The following CDAN1 variants were observed in gnomAD, a reference collection of about 807,000 sequenced individuals.
CDAN1 encodes codanin 1, also known as codanin-1.
Under a neutral mutation model 139.8 loss-of-function variants are expected in CDAN1, and 107 were observed. The ratio of observed to expected loss-of-function variants is 0.77; its 90% CI spans 0.65 to 0.90. The LOEUF is 0.90. CDAN1 is among the 40% of genes least tolerant of loss of function. CDAN1 has a pLI of 0.00. For missense variants in CDAN1, 1,667 were observed against 1,575.7 expected (o/e 1.06, Z -0.98); for synonymous variants, 776 against 660.6 (o/e 1.17, Z -2.68).
chr15:42,734,639 TGTCACCCAGGCTGGGCTGGGC>T (rs931955214), intron 6 of CDAN1, among the ~76,000 whole-genome samples: 3 of 152,114 alleles, frequency 2.0e-5, no homozygotes, highest in Admixed American at 6.5e-5. Context: ...TGGGGGTCTC[TGTCACCCAGGCTGGGCTGGGC>T]GTCACCCAGG....
At position 42,727,615 on chromosome 15, in the gene CDAN1, G is replaced by T. The variant is rs539649120; in HGVS notation, c.3096+6C>A. The T allele has an allele frequency of 6.4e-7, 1 of 1,559,076 alleles. No homozygotes were observed. The highest frequency in any genetic ancestry group is 1.9e-5 in the Admixed American group (1 of 51,820). On this transcript the variant is annotated splice_donor_region_variant and intron_variant, in intron 23 of 27. Coordinates refer to ENST00000356231, the MANE Select transcript of CDAN1 (RefSeq NM_138477.4). ...GGAAGCCAAAGGGAGTAGGGTAGCCGTGTACTTTTATCTCGGAGATGAGGT... is the reference window on the plus strand; with the variant it reads ...GGAAGCCAAAGGGAGTAGGGTAGCCTTGTACTTTTATCTCGGAGATGAGGT...
rs768254953 is a variant in CDAN1, at chr15:42,728,743, C to T, written c.2713G>A (p.Gly905Arg). ...SLLQEQLVTQ[G>R]EEGGDPAQLL... is the part of the protein sequence containing the mutation. Reference sequence around the variant, plus strand: ...TGGGCTGGGTCTCCCCCTTCCTCTCCCTGTGTCACCAGCTGCTCTTGGAGA... The same window carrying T: ...TGGGCTGGGTCTCCCCCTTCCTCTCTCTGTGTCACCAGCTGCTCTTGGAGA... Residue 905 changes from glycine to arginine, a missense_variant, in exon 20 of 28, where the codon GGA (glycine) becomes AGA (arginine). By Grantham distance (125) the Gly-to-Arg change is moderately radical (BLOSUM62 -2). Around this residue, in one of 3 missense-constraint regions of CDAN1, gnomAD observed 936 missense variants for 844.1 expected, o/e 1.11. Transcript: ENST00000356231. 6.2e-7 allele frequency: 1 copy of T among 1,614,190 alleles called. No homozygotes were observed.
At position 42,730,868 on chromosome 15, in the gene CDAN1, T is replaced by C. The variant is rs1440396277; in HGVS notation, c.2007+57A>G. 7 of 1,613,444 alleles carry C rather than the reference T, an allele frequency of 4.3e-6. No homozygotes were observed. The Admixed American group carries it at 1.2e-4, about 27-fold the overall frequency. ...GAATAGCCAAGGAAACCAGTCAGCT[T>C]CAGTGCCTGGCCGGTCCTCCCTGCT... On this transcript the variant is annotated intron_variant, in intron 13 of 27. Transcript: ENST00000356231.
intron 3 of CDAN1, 63 bp downstream of exon 3, chr15:42,735,812 G>GA (rs1271252619): frequency 6.2e-7 from 1 of 1,600,650 alleles, no homozygotes; most frequent in Non-Finnish European, 8.6e-7. Context: ...CAATTTCAGG[G>GA]AAAACCCCTG....
At chr15:42,735,232 A>G (rs1420282649) in intron 5 of CDAN1, 29 bp downstream of exon 5, 6 of 1,600,664 alleles carry the variant, frequency 3.7e-6, no homozygotes, top group African/African-American at 2.7e-5. Flanking sequence ...TCTAGACCCC[A>G]TGTCTCAAAA....
intron 8 of CDAN1, 89 bp from the exon 9 acceptor site, chr15:42,733,275 CA>C: frequency 2.7e-5 from 30 of 1,095,842 alleles, no homozygotes; most frequent in Admixed American, 1.4e-4. Context: ...GCCCACCCAC[CA>C]CCTTTTTTTT....
At chr15:42,736,869 T>A (rs983667554) in intron 1 of CDAN1, 89 bp from the exon 2 acceptor site, 1 of 1,446,264 alleles carries the variant, frequency 6.9e-7, no homozygotes, top group African/African-American at 1.5e-5. Context: ...GCGCCTCGGG[T>A]GGGCGGCCCG....
chr15:42,731,142 G>A lies in CDAN1; in HGVS notation c.1860+69C>T, dbSNP rs1308167573. The A allele has an allele frequency of 6.2e-6, 10 of 1,614,084 alleles. No homozygotes were observed. The Admixed American group carries it at 1.5e-4, about 24-fold the overall frequency. On this transcript the variant is annotated intron_variant, in intron 12 of 27. Coordinates refer to ENST00000356231, the MANE Select transcript of CDAN1 (RefSeq NM_138477.4). ...AGAACAATTCCCGATCTGTTATAAA[G>A]TTTTTCTTGAACATACTCCCTTCCC...
At chr15:42,728,379 G>C in intron 20 of CDAN1, 112 bp from the exon 21 acceptor site, 1 of 1,265,182 alleles carries the variant, frequency 7.9e-7, no homozygotes, top group Non-Finnish European at 1.1e-6. Flanking sequence ...CTTGGAAGGA[G>C]GCACCGTTTG....
Position 42,726,307 on chromosome 15 carries a change from C to T in CDAN1, c.3204+3G>A. 2 of 1,586,480 alleles carry T rather than the reference C, an allele frequency of 1.3e-6. No individual in the cohort carries two copies. The highest frequency in any genetic ancestry group is 1.7e-6 in the Non-Finnish European group (2 of 1,166,268). ...CCCCCCGGTGGCAGATGCCACAGCT[C>T]ACCTGGCGGCACCGCAGCGTCTGGC... is the stretch of plus-strand genomic sequence containing the variant. On this transcript the variant is annotated splice_donor_region_variant and intron_variant, in intron 24 of 27. Coordinates refer to ENST00000356231, the MANE Select transcript of CDAN1 (RefSeq NM_138477.4).
chr15:42,729,495 G>A, intron 17 of CDAN1, 73 bp downstream of exon 17: 1 of 1,605,152 alleles, frequency 6.2e-7, no homozygotes, highest in Non-Finnish European at 8.5e-7. Context: ...CAAGGGAGCT[G>A]GGCCAAGGGG....
At chr15:42,726,216 G>A in intron 24 of CDAN1, 56 bp from the exon 25 acceptor site, 1 of 1,604,984 alleles carries the variant, frequency 6.2e-7, no homozygotes. Flanking sequence ...GCTTACTGCT[G>A]CGAGAACTGG....
chr15:42,735,017 A>T, intron 6 of CDAN1, 83 bp downstream of exon 6: 1 of 924,626 alleles, frequency 1.1e-6, no homozygotes, highest in South Asian at 1.4e-5. Context: ...CCCTGTGTTA[A>T]GCACCAGCAT....
At chr15:42,732,558 G>C (rs1595859773) in intron 9 of CDAN1, 150 bp from the exon 10 acceptor site, 1 of 721,470 alleles carries the variant, frequency 1.4e-6, no homozygotes, top group East Asian at 2.7e-5. Flanking sequence ...GACACTGAAG[G>C]CAAGGGACAC....
In CDAN1 at chr15:42,729,064, G is replaced by A. The variant is rs767340780; in HGVS notation, c.2604C>T (p.Phe868=). The change falls in exon 19 of 28, where the codon TTC becomes TTT. Residue 868 remains phenylalanine, a synonymous_variant. Coordinates refer to ENST00000356231, the MANE Select transcript of CDAN1 (RefSeq NM_138477.4). ...QPPSLRRTVE[F]VAERIGSNCV... ...AGTTTGATCCAATTCTTTCTGCCAC[G>A]AACTCTACGGTCCGGCGCAAGGAGG... The A allele has an allele frequency of 3.3e-5, 54 of 1,614,074 alleles. No homozygotes were observed. The highest frequency in any genetic ancestry group is 6.7e-5 in the East Asian group (3 of 44,880).
chr15:42,728,504 C>T (rs2061562387), intron 20 of CDAN1, 148 bp downstream of exon 20: 1 of 1,209,536 alleles, frequency 8.3e-7, no homozygotes, highest in Non-Finnish European at 1.2e-6. Context: ...GGCCTACAGC[C>T]AGTGCAGGGC....
chr15:42,732,445 G>A (rs2061626488), intron 9 of CDAN1, 37 bp from the exon 10 acceptor site: 1 of 1,574,178 alleles, frequency 6.4e-7, no homozygotes, highest in African/African-American at 1.3e-5. Context: ...GGTGTGGAAA[G>A]GAGGGAGAGG....
chr15:42,736,406 G>A lies in CDAN1; in HGVS notation c.465C>T (p.Gly155=), dbSNP rs2140512168. The A allele has an allele frequency of 1.2e-6, 2 of 1,610,038 alleles. No individual in the cohort carries two copies. The highest frequency in any genetic ancestry group is 1.7e-6 in the Non-Finnish European group (2 of 1,178,236). The change falls in exon 2 of 28, where the codon GGC becomes GGT. Residue 155 remains glycine, a synonymous_variant. Transcript: ENST00000356231. ...LPGAGGRRLR[G]SGSPSRPSLT... is the part of the protein sequence containing the mutation. Reference sequence around the variant, plus strand: ...GGCTGGGGCGGCTGGGGCTGCCAGAGCCCCTAAGCCTCCGGCCCCCGGCTC... The same window carrying A: ...GGCTGGGGCGGCTGGGGCTGCCAGAACCCCTAAGCCTCCGGCCCCCGGCTC...
chr15:42,735,080 C>G lies in CDAN1; in HGVS notation c.1136+20G>C. The G allele has an allele frequency of 1.3e-6, 2 of 1,584,840 alleles. No individual in the cohort carries two copies. Among genetic ancestry groups the G allele is most frequent in the South Asian group, 2.2e-5 (2 of 90,160 alleles). On this transcript the variant is annotated intron_variant, in intron 6 of 27. Transcript: ENST00000356231. ...AGATGATGAGAATGAGGCCCAAATG[C>G]CTCAGCCAGGGAAACTCACTGAAAG... is the stretch of plus-strand genomic sequence containing the variant.
Sources: allele counts gnomAD v4.1 joint callset (sites outside exome capture counted in the v4.1 genomes callset), GRCh38; gene constraint gnomAD v4.1.1; regional missense constraint gnomAD v4.1.1; transcripts MANE v1.5; gene names NCBI Gene and HGNC (gene_info 2026-07-23, HGNC 2026-07-21).